The following PAK1IP1 variants were observed in gnomAD, a reference collection of about 807,000 sequenced individuals.
PAK1IP1 encodes PAK1 interacting protein 1.
In PAK1IP1, 24 loss-of-function variants were observed where a neutral mutation model predicts 42.0. That is an observed-to-expected ratio of 0.57 (90% CI 0.41 to 0.80). The LOEUF (loss-of-function observed/expected upper bound fraction) is 0.80. Among genes scored for constraint, PAK1IP1 ranks in the 30% least tolerant of loss-of-function variants. The pLI, the probability that PAK1IP1 is intolerant of heterozygous loss-of-function variation, is 0.00. For missense variants in PAK1IP1, 411 were observed against 467.9 expected, an observed-to-expected ratio of 0.88 and a Z score of 1.12; for synonymous variants, 154 against 156.7, an observed-to-expected ratio of 0.98 and a Z score of 0.13.
intron 1 of PAK1IP1, among the ~76,000 whole-genome samples, chr6:10,696,712 G>T (rs774338480): frequency 2.6e-5 from 4 of 152,222 alleles, no homozygotes; most frequent in South Asian, 2.1e-4. Context: ...GGAGGGCGAG[G>T]CAGGTGGATC....
rs770669652 is a variant in PAK1IP1 at position 10,702,559 on chromosome 6, T to C, written c.369-6T>C. On this transcript the variant is annotated splice_polypyrimidine_tract_variant and splice_region_variant and intron_variant, in intron 3 of 9. Transcript: ENST00000379568. The stretch of plus-strand genomic sequence containing the variant: ...AGTTGGGGACTAACTTTTGGTTTCA[T>C]TATAGAGGACAGGTGACCTTCCTTT... 1 of 1,614,038 alleles carries C rather than the reference T, an allele frequency of 6.2e-7. No individual in the cohort carries two copies. Among genetic ancestry groups the C allele is most frequent in the East Asian group, 2.2e-5 (1 of 44,870 alleles).
At chr6:10,702,704 T>TA (rs1374648664) in intron 4 of PAK1IP1, 65 bp downstream of exon 4, 13 of 1,126,084 alleles carry the variant, frequency 1.2e-5, no homozygotes, top group Non-Finnish European at 1.8e-5. Context: ...CTCCACCATC[T>TA]AAAAATACTG....
chr6:10,694,617 G>C (rs1303841776), upstream of PAK1IP1: 1 of 198,696 alleles, frequency 5.0e-6, no homozygotes, highest in African/African-American at 2.4e-5. Context: ...GCCGGAAGTC[G>C]GCCCCACCTC....
At chr6:10,691,809 G>C (rs1769333714), upstream of PAK1IP1, among the ~76,000 whole-genome samples, 1 of 152,028 alleles carries the variant, frequency 6.6e-6, no homozygotes, top group Non-Finnish European at 1.5e-5. Context: ...TCTGTAATTG[G>C]TTCCACTGAT....
intron 1 of PAK1IP1, among the ~76,000 whole-genome samples, chr6:10,695,829 A>C (rs954109569): frequency 3.3e-5 from 5 of 152,120 alleles, no homozygotes; most frequent in Non-Finnish European, 5.9e-5. Flanking sequence ...GTCGGTCTTT[A>C]ATTATCCAGA....
At chr6:10,708,226 A>C (rs1770264962) in intron 8 of PAK1IP1, among the ~76,000 whole-genome samples, 1 of 138,878 alleles carries the variant, frequency 7.2e-6, no homozygotes, top group African/African-American at 2.7e-5. Flanking sequence ...GGTAACTAGT[A>C]ATCTGTTTTT....
At chr6:10,692,926 G>A (rs1308289763), upstream of PAK1IP1, among the ~76,000 whole-genome samples, 1 of 152,192 alleles carries the variant, frequency 6.6e-6, no homozygotes, top group African/African-American at 2.4e-5. Flanking sequence ...TACATTTGGC[G>A]TGGACAAAGC....
At chr6:10,703,635 GT>G (rs1177920276) in intron 5 of PAK1IP1, among the ~76,000 whole-genome samples, 178 bp downstream of exon 5, 1 of 152,134 alleles carries the variant, frequency 6.6e-6, no homozygotes, top group Admixed American at 6.5e-5. Flanking sequence ...TTAAAATATT[GT>G]GTAAAATTAC....
intron 2 of PAK1IP1, among the ~76,000 whole-genome samples, chr6:10,699,045 A>G (rs1313253244): frequency 6.6e-6 from 1 of 152,040 alleles, no homozygotes; most frequent in Non-Finnish European, 1.5e-5. Flanking sequence ...CGAAAAATAC[A>G]TAACCTTAGC....
upstream of PAK1IP1, chr6:10,694,694 A>G (rs1392477235): frequency 9.0e-6 from 3 of 333,918 alleles, no homozygotes; most frequent in Non-Finnish European, 1.7e-5. Context: ...AGACGGGCGT[A>G]GCTGGCACCT....
chr6:10,704,778 A>G lies in PAK1IP1; in HGVS notation c.674A>G (p.Glu225Gly). The G allele has an allele frequency of 6.2e-7, 1 of 1,613,606 alleles. No homozygotes were observed. Among genetic ancestry groups the G allele is most frequent in the Non-Finnish European group, 8.5e-7 (1 of 1,179,528 alleles). Residue 225 changes from glutamate (E) to glycine (G), a missense_variant, in exon 7 of 10, where the codon GAA becomes GGA. Coordinates refer to ENST00000379568, the MANE Select transcript of PAK1IP1 (RefSeq NM_017906.3). The part of the protein sequence containing the change: ...ESVLAVAGDE[E>G]VIRFFDCDSL... ...GTCCTTGCAGTGGCTGGAGATGAAGAAGTTATAAGGTTTTTTGACTGTGAT... is the reference window on the plus strand; with the variant it reads ...GTCCTTGCAGTGGCTGGAGATGAAGGAGTTATAAGGTTTTTTGACTGTGAT...
chr6:10,709,378 T>C lies in PAK1IP1; in HGVS notation c.1105T>C (p.Ser369Pro), dbSNP rs201265248. Reference protein sequence around the residue: ...KKATKESGLISTKKRKMVEML... With the variant: ...KKATKESGLIPTKKRKMVEML... ...AGCAACAAAAGAAAGTGGCCTGATA[T>C]CAACCAAGAAGAGGAAAATGGTAGA... Residue 369 changes from serine (S) to proline (P), a missense_variant, in exon 10 of 10, where the codon TCA (serine) becomes CCA (proline). Coordinates refer to ENST00000379568, the MANE Select transcript of PAK1IP1 (RefSeq NM_017906.3). 2.5e-6 allele frequency: 4 copies of C among 1,613,118 alleles called. No individual in the cohort carries two copies. The highest frequency in any genetic ancestry group is 2.2e-5 in the South Asian group (2 of 90,972).
chr6:10,694,923 G>A, upstream of PAK1IP1: 1 of 408,344 alleles, frequency 2.4e-6, no homozygotes, highest in Non-Finnish European at 3.9e-6. Flanking sequence ...TTTTTTTTTT[G>A]GTTTCCGGTT....
chr6:10,691,188 T>C (rs1282136349), upstream of PAK1IP1, among the ~76,000 whole-genome samples: 2 of 152,192 alleles, frequency 1.3e-5, no homozygotes, highest in African/African-American at 4.8e-5. Flanking sequence ...ACTAATCTTT[T>C]TGAAACAGTA....
chr6:10,706,378 AT>A (rs1770205619), intron 7 of PAK1IP1, among the ~76,000 whole-genome samples: 3 of 151,978 alleles, frequency 2.0e-5, no homozygotes, highest in Admixed American at 2.0e-4. Context: ...AATCATCATA[AT>A]TTTTCTTACT....
chr6:10,702,329 A>T lies in PAK1IP1; in HGVS notation c.248-40A>T, dbSNP rs1302530970. ...CAAATCAGAAATGGAGTTTGCATTT[A>T]AAATGAATATTATTTTTGCCTATTT... On this transcript the variant is annotated intron_variant, in intron 2 of 9. Coordinates refer to ENST00000379568, the MANE Select transcript of PAK1IP1 (RefSeq NM_017906.3). The T allele has an allele frequency of 5.1e-6, 8 of 1,555,760 alleles. No individual in the cohort carries two copies. The South Asian group carries it at 6.7e-5, about 13-fold the overall frequency.
At chr6:10,707,612 C>T (rs1770245214) in intron 8 of PAK1IP1, 98 bp downstream of exon 8, 3 of 701,992 alleles carry the variant, frequency 4.3e-6, no homozygotes, top group Non-Finnish European at 7.6e-6. Flanking sequence ...GGTCTTTAAA[C>T]TTTTTAAATC....
intron 2 of PAK1IP1, among the ~76,000 whole-genome samples, chr6:10,697,995 C>G (rs1434616465): frequency 6.6e-6 from 1 of 152,090 alleles, no homozygotes; most frequent in Non-Finnish European, 1.5e-5. Flanking sequence ...TCACTGAAAC[C>G]TTCCTTAAAA....
intron 2 of PAK1IP1, 118 bp from the exon 3 acceptor site, chr6:10,702,251 A>AG: frequency 1.2e-6 from 1 of 833,742 alleles, no homozygotes; most frequent in East Asian, 2.6e-5. Context: ...AAAAAAAAAA[A>AG]AAAGAAAAAG....
Sources: gnomAD v4.1 joint callset for allele counts (sites outside exome capture counted in the v4.1 genomes callset) on GRCh38, gnomAD v4.1.1 for gene constraint, MANE v1.5 for transcripts, NCBI Gene and HGNC (gene_info 2026-07-23, HGNC 2026-07-21) for gene names.